Variants in PRDM16 observed in about 807,000 individuals in gnomAD.
PRDM16 encodes the protein PR/SET domain 16, also known as histone-lysine N-methyltransferase PRDM16.
A neutral mutation model predicts 110.6 loss-of-function variants in PRDM16; 23 were observed. The ratio of observed to expected loss-of-function variants is 0.21; its 90% CI spans 0.15 to 0.29. The LOEUF is 0.29. PRDM16 is among the 10% of genes least tolerant of loss of function. The probability of loss-of-function intolerance (pLI) is 1.00; values close to 1 mark genes in which losing one functional copy is unlikely to be tolerated. For missense variants in PRDM16, 1,615 were observed against 1,794.3 expected (o/e 0.90, Z 1.81); for synonymous variants, 799 against 781.8 (o/e 1.02, Z -0.37).
chr1:3,335,209 G>T (rs1274376063), intron 3 of PRDM16, among the ~76,000 whole-genome samples: 1 of 152,240 alleles, frequency 6.6e-6, no homozygotes, highest in Non-Finnish European at 1.5e-5. Flanking sequence ...AGGCCTGAGA[G>T]GAAGCGTGTT....
chr1:3,126,145 G>A (rs1269831809), intron 1 of PRDM16, among the ~76,000 whole-genome samples: 1 of 152,234 alleles, frequency 6.6e-6, no homozygotes, highest in African/African-American at 2.4e-5. Flanking sequence ...AACGCGGGGA[G>A]AAAGGGGCCA....
intron 1 of PRDM16, among the ~76,000 whole-genome samples, chr1:3,120,014 G>A (rs1437426464): frequency 7.2e-6 from 1 of 137,994 alleles, no homozygotes; most frequent in African/African-American, 3.0e-5. Context: ...TAGCTTGGGA[G>A]CCCCGCCTGG....
intron 1 of PRDM16, among the ~76,000 whole-genome samples, chr1:3,100,873 C>T (rs1445193073): frequency 6.6e-6 from 1 of 152,054 alleles, no homozygotes; most frequent in Non-Finnish European, 1.5e-5. Context: ...CACAAGTACC[C>T]ACGACGGCTG....
intron 8 of PRDM16, among the ~76,000 whole-genome samples, chr1:3,410,132 TATGA>T (rs1335718246): frequency 1.3e-5 from 2 of 151,442 alleles, no homozygotes; most frequent in Admixed American, 6.6e-5. Context: ...TGTGCATGTG[TATGA>T]ATGTGGTGTG....
At chr1:3,087,452 C>A (rs986828492) in intron 1 of PRDM16, among the ~76,000 whole-genome samples, 2 of 152,214 alleles carry the variant, frequency 1.3e-5, no homozygotes, top group Non-Finnish European at 2.9e-5. Context: ...GGAAGTTGTT[C>A]CTGCCTTGGG....
At position 3,436,511 on chromosome 1, in the gene PRDM16, C is replaced by A; in HGVS notation, c.*2700C>A. On this transcript the variant is annotated 3_prime_UTR_variant, in exon 17 of 17. Transcript: ENST00000270722. ...CAGACCCCCAGGCCCCAGCACTTGG[C>A]GTTTTCAGGAGGCCCTGTTCTTAGA... The A allele has an allele frequency of 4.3e-6, 1 of 230,702 alleles. No individual in the cohort carries two copies. Among genetic ancestry groups the A allele is most frequent in the Non-Finnish European group, 8.6e-6 (1 of 116,382 alleles). 14.3% of individuals were successfully genotyped at this position (230,702 alleles called of 1,614,324 possible).
At chr1:3,378,576 C>T (rs1468414391) in intron 3 of PRDM16, among the ~76,000 whole-genome samples, 1 of 152,092 alleles carries the variant, frequency 6.6e-6, no homozygotes, top group African/African-American at 2.4e-5. Flanking sequence ...ACAAAATGTA[C>T]CATGGGGCAG....
chr1:3,316,032 CA>C (rs1345308852), intron 3 of PRDM16, among the ~76,000 whole-genome samples: 2 of 151,742 alleles, frequency 1.3e-5, no homozygotes, highest in Non-Finnish European at 2.9e-5. Flanking sequence ...TTCAGTTGGA[CA>C]GGGGCTGGGC....
intron 3 of PRDM16, among the ~76,000 whole-genome samples, chr1:3,280,134 G>A (rs1177608593): frequency 6.6e-6 from 1 of 152,176 alleles, no homozygotes; most frequent in Non-Finnish European, 1.5e-5. Context: ...TGGTCAGAGA[G>A]AGACATTCAG....
chr1:3,349,128 G>A (rs768625183), intron 3 of PRDM16, among the ~76,000 whole-genome samples: 73 of 152,194 alleles, frequency 4.8e-4, no homozygotes, highest in Admixed American at 1.1e-3. Flanking sequence ...ATTTCTGCAC[G>A]ATTTTGTCAG....
At chr1:3,183,642 C>T (rs1025893985) in intron 1 of PRDM16, among the ~76,000 whole-genome samples, 2 of 152,228 alleles carry the variant, frequency 1.3e-5, no homozygotes, top group African/African-American at 4.8e-5. Flanking sequence ...GGAAACACTA[C>T]CTTTCTCTCC....
intron 14 of PRDM16, among the ~76,000 whole-genome samples, chr1:3,428,110 G>A (rs370428863): frequency 1.3e-5 from 2 of 152,176 alleles, no homozygotes; most frequent in African/African-American, 2.4e-5. Context: ...GAGCGTGTGC[G>A]GAGGCTGAAC....
Position 3,201,656 on chromosome 1 carries a change from C to T in PRDM16, c.387+15182C>T, listed in dbSNP as rs1419688286. 6.6e-6 allele frequency among the ~76,000 whole-genome samples: 1 copy of T among 152,242 alleles called. No individual in the cohort carries two copies. The highest frequency in any genetic ancestry group is 6.5e-5 in the Admixed American group (1 of 15,286). ...CTGACGTTTCTCCAGTGACCCCTGG[C>T]AGGTCGGGGACCCCAGCCACTTCCA... On this transcript the variant is annotated intron_variant, in intron 2 of 16. Coordinates refer to ENST00000270722, the MANE Select transcript of PRDM16 (RefSeq NM_022114.4). This position sits in a 1 kb window ranked among gnomAD's most constrained non-coding sequence, Gnocchi z 4.1.
intron 1 of PRDM16, among the ~76,000 whole-genome samples, chr1:3,135,798 G>A (rs995615330): frequency 5.9e-5 from 9 of 152,152 alleles, no homozygotes; most frequent in African/African-American, 1.4e-4. Flanking sequence ...GATCCCAGCC[G>A]TCCCCAGACC....
At chr1:3,212,349 A>G (rs1344712503) in intron 2 of PRDM16, among the ~76,000 whole-genome samples, 1 of 151,694 alleles carries the variant, frequency 6.6e-6, no homozygotes, top group Non-Finnish European at 1.5e-5. Flanking sequence ...TGATCTTGAC[A>G]CCCCTCTGGC....
chr1:3,306,809 A>G (rs1280057161), intron 3 of PRDM16: 1 of 152,124 alleles, frequency 6.6e-6, no homozygotes, highest in Non-Finnish European at 1.5e-5. Flanking sequence ...CCACACACCT[A>G]TTAGTACTCA....
intron 3 of PRDM16, among the ~76,000 whole-genome samples, chr1:3,335,210 G>A (rs1642119530): frequency 6.6e-6 from 1 of 152,244 alleles, no homozygotes. Context: ...GGCCTGAGAG[G>A]AAGCGTGTTT....
rs530734945 is a variant in PRDM16 at position 3,148,371 on chromosome 1, G to A, written c.38-37754G>A. Among the ~76,000 whole-genome samples, 1 of 152,256 alleles carries A rather than the reference G, an allele frequency of 6.6e-6. No homozygotes were observed. Among genetic ancestry groups the A allele is most frequent in the Non-Finnish European group, 1.5e-5 (1 of 68,002 alleles). On this transcript the variant is annotated intron_variant, in intron 1 of 16. Coordinates refer to ENST00000270722, the MANE Select transcript of PRDM16 (RefSeq NM_022114.4). This position sits in a 1 kb window ranked among gnomAD's most constrained non-coding sequence, Gnocchi z 5.0. ...GCAGCCCTGCAAACCCAGGAGCCAG[G>A]AGCTGCAGGAGGGCCAGTGGCCAGA... is the stretch of plus-strand genomic sequence containing the variant.
chr1:3,116,794 G>GC (rs1423684819), intron 1 of PRDM16, among the ~76,000 whole-genome samples: 2 of 152,198 alleles, frequency 1.3e-5, no homozygotes, highest in Non-Finnish European at 2.9e-5. Flanking sequence ...CATGGCTCTG[G>GC]CCCCGCTGGT....
Sources: allele counts gnomAD v4.1 joint callset (sites outside exome capture counted in the v4.1 genomes callset), GRCh38; gene constraint gnomAD v4.1.1; non-coding constraint Gnocchi (gnomAD v3.1); transcripts MANE v1.5; gene names NCBI Gene and HGNC (gene_info 2026-07-23, HGNC 2026-07-21).